The following BST1 variants were observed in gnomAD, a reference collection of about 807,000 sequenced individuals.
BST1 encodes the protein bone marrow stromal cell antigen 1, also known as ADP-ribosyl cyclase/cyclic ADP-ribose hydrolase 2.
Under a neutral mutation model 40.6 loss-of-function variants are expected in BST1, and 49 were observed. The ratio of observed to expected loss-of-function variants is 1.21; its 90% CI spans 0.96 to 1.53. The LOEUF is 1.53. Ranked by LOEUF, BST1 falls within the 40% of genes most tolerant of loss-of-function variation. The probability of loss-of-function intolerance (pLI) is 0.00; values close to 1 mark genes in which losing one functional copy is unlikely to be tolerated. For missense variants in BST1, 423 were observed against 395.9 expected, an observed-to-expected ratio of 1.07 and a Z score of -0.58; for synonymous variants, 157 against 159.3, an observed-to-expected ratio of 0.99 and a Z score of 0.11.
the BST1 span, among the ~76,000 whole-genome samples, chr4:15,754,306 T>C: frequency 6.6e-6 from 1 of 152,126 alleles, no homozygotes; most frequent in African/African-American, 2.4e-5. Context: ...GTTGTGAGGA[T>C]TAGTGTGACC....
chr4:15,736,052 G>T (rs1269248688), downstream of BST1: 1 of 1,285,978 alleles, frequency 7.8e-7, no homozygotes, highest in Non-Finnish European at 1.0e-6. Context: ...TATATTTATA[G>T]ACCCAAGAGG....
At chr4:15,712,698 C>T (rs1253924377) in intron 4 of BST1, among the ~76,000 whole-genome samples, 1 of 152,164 alleles carries the variant, frequency 6.6e-6, no homozygotes, top group Non-Finnish European at 1.5e-5. Flanking sequence ...GCCAAATCCT[C>T]CATGGTGGCT....
rs774355128 is a variant in BST1, at chr4:15,707,514, C to T, written c.319C>T (p.Leu107=). The stretch of plus-strand genomic sequence containing the variant: ...TGTTTTGTTTGTCTTTCCTTAGTCC[C>T]TGTTCTGGGAAAATAGCCACCTCCT... ...SRHSIPRDKS[L]FWENSHLLVN... The change falls in exon 3 of 9, where the codon CTG becomes TTG. Residue 107 remains leucine (L), a synonymous_variant. Transcript: ENST00000265016. 2.2e-5 allele frequency: 36 copies of T among 1,613,768 alleles called. No individual in the cohort carries two copies. Among genetic ancestry groups the T allele is most frequent in the Admixed American group, 6.7e-5 (4 of 59,970 alleles).
downstream of BST1, among the ~76,000 whole-genome samples, chr4:15,735,334 C>T (rs1044720481): frequency 1.3e-5 from 2 of 152,204 alleles, no homozygotes; most frequent in African/African-American, 4.8e-5. Flanking sequence ...CAGACTCACT[C>T]ATCTTTGCAG....
chr4:15,737,475 G>A (rs1721609458), downstream of BST1, among the ~76,000 whole-genome samples: 1 of 152,256 alleles, frequency 6.6e-6, no homozygotes, highest in African/African-American at 2.4e-5. Flanking sequence ...CAAGGGGGCA[G>A]CAGGGAGCCC....
intron 8 of BST1, among the ~76,000 whole-genome samples, chr4:15,727,983 AG>A (rs112072063): frequency 7.2e-4 from 109 of 151,738 alleles, no homozygotes; most frequent in African/African-American, 2.5e-3. Flanking sequence ...GAATAATCCA[AG>A]GGGAAAAAAC....
chr4:15,756,226 T>C, the BST1 span, among the ~76,000 whole-genome samples: 2 of 152,164 alleles, frequency 1.3e-5, no homozygotes, highest in African/African-American at 2.4e-5. Context: ...GCTCTTCTCA[T>C]AAAAGAAAAG....
At position 15,707,596 on chromosome 4, in the gene BST1, A is replaced by G; in HGVS notation, c.401A>G (p.Tyr134Cys). 6.2e-7 allele frequency: 1 copy of G among 1,614,088 alleles called. No individual in the cohort carries two copies. The highest frequency in any genetic ancestry group is 8.5e-7 in the Non-Finnish European group (1 of 1,180,004). Residue 134 changes from tyrosine (Y) to cysteine (C), a missense_variant, in exon 3 of 9, where the codon TAT (tyrosine) becomes TGT (cysteine). Transcript: ENST00000265016. The stretch of plus-strand genomic sequence containing the variant: ...TTTATGCCCCTGAGCGATGTTCTGT[A>G]TGGCAGGGTTGCAGATTTCTTGAGC... ...RRFMPLSDVLYGRVADFLSWC... is the reference protein window; with the variant it reads ...RRFMPLSDVLCGRVADFLSWC...
the BST1 span, among the ~76,000 whole-genome samples, chr4:15,768,827 A>T: frequency 6.6e-6 from 1 of 152,156 alleles, no homozygotes; most frequent in Non-Finnish European, 1.5e-5. Flanking sequence ...AACTGAATAC[A>T]GTTTGGCTTG....
Position 15,703,073 on chromosome 4 carries a change from GCGGAAC to G in BST1, c.-69_-64del, listed in dbSNP as rs2148873109. 3.4e-6 allele frequency: 5 copies of G among 1,483,122 alleles called. No homozygotes were observed. The Middle Eastern group carries it at 6.2e-4, about 183-fold the overall frequency. The allele number at this position is 1,483,122 out of a possible 1,614,324, so 91.9% of individuals were successfully genotyped here. A position where few individuals can be genotyped will look rare whatever the true frequency, so the allele number is the denominator to read the frequency against. ...CGAGAGTCCCGCCCTGCATCAGTTT[GCGGAAC>G]CGCCTTGGTAGAAGGAGAGAAGGGG... On this transcript the variant is annotated 5_prime_UTR_variant, in exon 1 of 9. Coordinates refer to ENST00000265016, the MANE Select transcript of BST1 (RefSeq NM_004334.3).
chr4:15,771,790 C>T, the BST1 span, among the ~76,000 whole-genome samples: 1 of 152,188 alleles, frequency 6.6e-6, no homozygotes, highest in Non-Finnish European at 1.5e-5. Context: ...AAATATGCTG[C>T]CACAAGAACA....
At chr4:15,711,605 A>G (rs1225918030) in intron 3 of BST1, among the ~76,000 whole-genome samples, 1 of 152,246 alleles carries the variant, frequency 6.6e-6, no homozygotes, top group Non-Finnish European at 1.5e-5. Context: ...AAAATGACCA[A>G]CATCTTTAGT....
chr4:15,720,951 G>A (rs556831208), intron 7 of BST1, among the ~76,000 whole-genome samples: 9 of 152,284 alleles, frequency 5.9e-5, no homozygotes, highest in South Asian at 4.1e-4. Context: ...TATAATAGCC[G>A]GGCCAGAGCC....
chr4:15,733,798 T>G (rs1282063895), downstream of BST1, among the ~76,000 whole-genome samples: 2 of 152,160 alleles, frequency 1.3e-5, no homozygotes, highest in Non-Finnish European at 2.9e-5. Context: ...TCCAATCACC[T>G]CCCACCAGAC....
At chr4:15,745,902 A>G in the BST1 span, among the ~76,000 whole-genome samples, 3 of 152,194 alleles carry the variant, frequency 2.0e-5, no homozygotes, top group Non-Finnish European at 4.4e-5. Flanking sequence ...AGTTAACATG[A>G]TATTATCAAT....
downstream of BST1, among the ~76,000 whole-genome samples, chr4:15,740,232 C>G (rs1407111094): frequency 2.0e-5 from 3 of 152,086 alleles, no homozygotes; most frequent in Non-Finnish European, 4.4e-5. Flanking sequence ...TTTTTGTATT[C>G]TTTTTGCTAG....
chr4:15,748,397 G>T, the BST1 span, among the ~76,000 whole-genome samples: 1 of 152,164 alleles, frequency 6.6e-6, no homozygotes, highest in South Asian at 2.1e-4. Flanking sequence ...AAAGGGAGCT[G>T]CTATCCTTCA....
chr4:15,733,513 A>G (rs1721459929), downstream of BST1, among the ~76,000 whole-genome samples: 1 of 152,258 alleles, frequency 6.6e-6, no homozygotes. Flanking sequence ...AGCTAGACAG[A>G]AAAGCTCTCC....
chr4:15,735,995 G>T (rs10021679), downstream of BST1: 6,206 of 1,062,774 alleles, frequency 5.8e-3, 269 homozygotes, highest in African/African-American at 0.095. Context: ...CTGTCATACT[G>T]CACGCAGAGT....
Sources: allele counts gnomAD v4.1 joint callset (sites outside exome capture counted in the v4.1 genomes callset), GRCh38; gene constraint gnomAD v4.1.1; transcripts MANE v1.5; gene names NCBI Gene and HGNC (gene_info 2026-07-23, HGNC 2026-07-21).